Variants in FRMPD1 observed in about 807,000 individuals in gnomAD.
The protein encoded by FRMPD1 is FERM and PDZ domain-containing protein 1.
In FRMPD1, 76 loss-of-function variants were observed where a neutral mutation model predicts 117.8. The observed-to-expected ratio is 0.65, with a 90% CI of 0.54 to 0.78. The LOEUF (loss-of-function observed/expected upper bound fraction) is 0.78. Among genes scored for constraint, FRMPD1 ranks in the 30% least tolerant of loss-of-function variants. The pLI is 0.00. For missense variants in FRMPD1, 1,786 were observed against 1,964.5 expected, an observed-to-expected ratio of 0.91 and a Z score of 1.72; for synonymous variants, 783 against 770.4, an observed-to-expected ratio of 1.02 and a Z score of -0.27.
intron 7 of FRMPD1, among the ~76,000 whole-genome samples, chr9:37,728,787 A>C (rs548952978): frequency 7.9e-5 from 12 of 151,798 alleles, no homozygotes; most frequent in Non-Finnish European, 1.8e-4. Context: ...ACATGGTGAA[A>C]CTCCATCTCT....
the FRMPD1 span, among the ~76,000 whole-genome samples, chr9:37,634,397 A>G: frequency 6.6e-6 from 1 of 151,826 alleles, no homozygotes; most frequent in African/African-American, 2.4e-5. Flanking sequence ...CATTTGTTTA[A>G]TTTTCTCTGT....
intron 14 of FRMPD1, among the ~76,000 whole-genome samples, chr9:37,738,496 C>T (rs60340519): frequency 0.034 from 5,223 of 152,174 alleles, 266 homozygotes; most frequent in African/African-American, 0.11. Context: ...CCTGCCACCA[C>T]GCCCGGCTAA....
At chr9:37,709,066 G>A (rs1465224424) in intron 4 of FRMPD1, among the ~76,000 whole-genome samples, 1 of 152,172 alleles carries the variant, frequency 6.6e-6, no homozygotes, top group Non-Finnish European at 1.5e-5. Context: ...CTCAGTGGGT[G>A]CTCAGTTAAA....
In FRMPD1 at chr9:37,707,572, A is replaced by C; in HGVS notation, c.258A>C (p.Ala86=). The part of the protein sequence containing the change: ...SLPLTVVAVT[A]GGSAHGKLFP... ...CCCTTACAGTGGTGGCTGTCACAGC[A>C]GGTAGGGGATGACTGGGAAATGAGA... is the stretch of plus-strand genomic sequence containing the variant. Residue 86 remains alanine, a splice_region_variant and synonymous_variant, in exon 3 of 16, where the codon GCA becomes GCC. Coordinates refer to ENST00000377765, the MANE Select transcript of FRMPD1 (RefSeq NM_014907.3). 6.2e-7 allele frequency: 1 copy of C among 1,612,084 alleles called. No individual in the cohort carries two copies. Among genetic ancestry groups the C allele is most frequent in the Non-Finnish European group, 8.5e-7 (1 of 1,178,904 alleles).
intron 10 of FRMPD1, among the ~76,000 whole-genome samples, chr9:37,733,216 C>G (rs1182493516): frequency 1.3e-5 from 2 of 152,120 alleles, no homozygotes; most frequent in Non-Finnish European, 1.5e-5. Context: ...CCTGCTCTGA[C>G]TGATAGATGG....
At chr9:37,607,022 A>G in the FRMPD1 span, among the ~76,000 whole-genome samples, 1 of 152,204 alleles carries the variant, frequency 6.6e-6, no homozygotes, top group Non-Finnish European at 1.5e-5. Flanking sequence ...TGTAGAAATC[A>G]TTAGAAACAT....
the FRMPD1 span, among the ~76,000 whole-genome samples, chr9:37,632,399 T>A: frequency 6.6e-6 from 1 of 152,358 alleles, no homozygotes; most frequent in South Asian, 2.1e-4. Context: ...AAAAATGGAA[T>A]TTACTGTGGT....
At chr9:37,672,634 A>G (rs1424193621) in intron 1 of FRMPD1, among the ~76,000 whole-genome samples, 1 of 152,204 alleles carries the variant, frequency 6.6e-6, no homozygotes, top group African/African-American at 2.4e-5. Context: ...AGCAAGTGGC[A>G]TGGCTGAGAT....
At chr9:37,737,374 CT>C in intron 14 of FRMPD1, 131 bp downstream of exon 14, 1 of 684,212 alleles carries the variant, frequency 1.5e-6, no homozygotes, top group Admixed American at 2.9e-5. Flanking sequence ...AGCTATTTCT[CT>C]GTTTATTTCC....
chr9:37,617,927 T>C, the FRMPD1 span, among the ~76,000 whole-genome samples: 4 of 152,202 alleles, frequency 2.6e-5, no homozygotes, highest in Non-Finnish European at 4.4e-5. Context: ...GAGCCCATTC[T>C]TTGCATGCTT....
At chr9:37,648,165 G>A (rs201646148), upstream of FRMPD1, among the ~76,000 whole-genome samples, 30 of 151,884 alleles carry the variant, frequency 2.0e-4, no homozygotes, top group Non-Finnish European at 4.1e-4. Context: ...CTTTGCAAAG[G>A]AAAAAAACCA....
intron 1 of FRMPD1, among the ~76,000 whole-genome samples, chr9:37,670,291 C>A (rs58981112): frequency 0.14 from 20,852 of 151,988 alleles, 1,508 homozygotes; most frequent in Middle Eastern, 0.18. Context: ...AGAACATGTT[C>A]AAAAATAACT....
chr9:37,745,419 TAGGA>T lies in FRMPD1; in HGVS notation c.3392_3395del (p.Lys1131IlefsTer26). 6.2e-7 allele frequency: 1 copy of T among 1,614,008 alleles called. No homozygotes were observed. Among genetic ancestry groups the T allele is most frequent in the Non-Finnish European group, 8.5e-7 (1 of 1,179,870 alleles). On this transcript the variant is annotated frameshift_variant, in exon 16 of 16. Coordinates refer to ENST00000377765, the MANE Select transcript of FRMPD1 (RefSeq NM_014907.3). LOFTEE classifies it high-confidence loss of function. ...GCACCAACGTATTTCAGGAGGAGTC[TAGGA>T]AGGATTCAGGTGACTCCCCGGGTGA...
rs1487569530 is a variant in FRMPD1 at position 37,733,469 on chromosome 9, G to T, written c.996-4G>T. On this transcript the variant is annotated splice_polypyrimidine_tract_variant and splice_region_variant and intron_variant, in intron 10 of 15. Transcript: ENST00000377765. ...GCCTCCTTGTCTCCAATGTCTCATGGCAGGAAAGACTGGGGAATAGAGAAC... is the reference window on the plus strand; with the variant it reads ...GCCTCCTTGTCTCCAATGTCTCATGTCAGGAAAGACTGGGGAATAGAGAAC... 1 of 1,612,526 alleles carries T rather than the reference G, an allele frequency of 6.2e-7. No homozygotes were observed. Among genetic ancestry groups the T allele is most frequent in the Non-Finnish European group, 8.5e-7 (1 of 1,179,474 alleles).
At chr9:37,605,078 C>T in the FRMPD1 span, among the ~76,000 whole-genome samples, 3 of 152,326 alleles carry the variant, frequency 2.0e-5, no homozygotes, top group South Asian at 2.1e-4. Flanking sequence ...ACTGTGGAGT[C>T]GTTGCTGTTA....
intron 12 of FRMPD1, 42 bp from the exon 13 acceptor site, chr9:37,735,510 T>C: frequency 6.9e-7 from 1 of 1,447,050 alleles, no homozygotes; most frequent in Non-Finnish European, 9.7e-7. Flanking sequence ...GTATTTTCAC[T>C]CGCTTGCGAA....
At chr9:37,705,969 A>AAATAAAT (rs2118136636) in intron 2 of FRMPD1, among the ~76,000 whole-genome samples, 1 of 106,336 alleles carries the variant, frequency 9.4e-6, no homozygotes, top group Admixed American at 8.6e-5. Flanking sequence ...CAAAATAAAT[A>AAATAAAT]AATAAATAAA....
chr9:37,648,816 T>C (rs555728563), upstream of FRMPD1, among the ~76,000 whole-genome samples: 1 of 151,994 alleles, frequency 6.6e-6, no homozygotes, highest in Non-Finnish European at 1.5e-5. Context: ...GTTTTGGCTG[T>C]GTTGAGAGTG....
At chr9:37,688,513 C>T (rs183106247) in intron 1 of FRMPD1, among the ~76,000 whole-genome samples, 1 of 152,032 alleles carries the variant, frequency 6.6e-6, no homozygotes, top group East Asian at 1.9e-4. Flanking sequence ...TAAAAGTGAA[C>T]ATATGTTTAT....
Sources: allele counts gnomAD v4.1 joint callset (sites outside exome capture counted in the v4.1 genomes callset), GRCh38; gene constraint gnomAD v4.1.1; transcripts MANE v1.5; gene names NCBI Gene and HGNC (gene_info 2026-07-23, HGNC 2026-07-21).